Variants in SCAMP4 observed in about 807,000 individuals in gnomAD.
SCAMP4 encodes the protein secretory carrier-associated membrane protein 4.
A neutral mutation model predicts 32.1 loss-of-function variants in SCAMP4; 19 were observed. That is an observed-to-expected ratio of 0.59 (90% CI 0.41 to 0.87). The LOEUF (loss-of-function observed/expected upper bound fraction) is 0.87. Among genes scored for constraint, SCAMP4 ranks in the 40% least tolerant of loss-of-function variants. The probability of loss-of-function intolerance (pLI) is 0.00; values close to 1 mark genes in which losing one functional copy is unlikely to be tolerated. For missense variants in SCAMP4, 302 were observed against 309.0 expected, an observed-to-expected ratio of 0.98 and a Z score of 0.17; for synonymous variants, 152 against 132.7, an observed-to-expected ratio of 1.15 and a Z score of -1.00.
chr19:1,913,899 C>T (rs1266398088), intron 1 of SCAMP4, among the ~76,000 whole-genome samples: 1 of 152,226 alleles, frequency 6.6e-6, no homozygotes, highest in African/African-American at 2.4e-5. Context: ...TGTGAGCCCC[C>T]AGCCCATAGG....
At position 1,912,343 on chromosome 19, in the gene SCAMP4, A is replaced by T; in HGVS notation, c.-41-2636A>T. ...CTCAAGCGGGTGCGGCCCAGCCGCGATGCCGGCAGCCCCCACGCCCTGGAG... is the reference window on the plus strand; with the variant it reads ...CTCAAGCGGGTGCGGCCCAGCCGCGTTGCCGGCAGCCCCCACGCCCTGGAG... On this transcript the variant is annotated intron_variant, in intron 1 of 6. Transcript: ENST00000316097. 3 of 1,533,548 alleles carry T rather than the reference A, an allele frequency of 2.0e-6. No individual in the cohort carries two copies. The highest frequency in any genetic ancestry group is 5.1e-5 in the East Asian group (2 of 39,068). The allele number at this position is 1,533,548 out of a possible 1,614,324, so 95.0% of individuals were successfully genotyped here. A position where few individuals can be genotyped will look rare whatever the true frequency, so the allele number is the denominator to read the frequency against.
intron 2 of SCAMP4, 85 bp from the exon 3 acceptor site, chr19:1,917,609 A>C (rs1402513125): frequency 9.1e-6 from 14 of 1,536,116 alleles, no homozygotes; most frequent in Non-Finnish European, 8.9e-7. Context: ...ATGAGAGGCA[A>C]CCCAGCCTTG....
intron 1 of SCAMP4, chr19:1,912,350 C>T: frequency 6.5e-7 from 1 of 1,530,398 alleles, no homozygotes; most frequent in Admixed American, 2.0e-5. Context: ...GCGATGCCGG[C>T]AGCCCCCACG....
In SCAMP4 at chr19:1,924,662, C is replaced by T. The variant is rs2014043045; in HGVS notation, c.*378C>T. 5 of 268,752 alleles carry T rather than the reference C, an allele frequency of 1.9e-5. No individual in the cohort carries two copies. The South Asian group carries it at 2.3e-4, about 12-fold the overall frequency. The allele number at this position is 268,752 out of a possible 1,614,324, so 16.6% of individuals were successfully genotyped here. ...CCGCCCTCCCGTCCTCCCAGAGCTG[C>T]TGGCGCTGAGGTCAGAGCGGGTCTG... On this transcript the variant is annotated 3_prime_UTR_variant, in exon 7 of 7. Transcript: ENST00000316097.
intron 1 of SCAMP4, chr19:1,905,823 C>G (rs1599225555): frequency 6.6e-6 from 1 of 152,546 alleles, no homozygotes; most frequent in African/African-American, 2.4e-5. Flanking sequence ...TCGCGAGTTT[C>G]CGTAGCCTTC....
chr19:1,921,401 T>C (rs1219460663), intron 5 of SCAMP4: 1 of 982,912 alleles, frequency 1.0e-6, no homozygotes, highest in Non-Finnish European at 1.2e-6. Context: ...GTGTAGATGG[T>C]GAGGGTGGCC....
intron 1 of SCAMP4, among the ~76,000 whole-genome samples, chr19:1,914,165 C>T (rs924165292): frequency 6.6e-6 from 1 of 152,178 alleles, no homozygotes; most frequent in Non-Finnish European, 1.5e-5. Flanking sequence ...AGCTCCTTCC[C>T]CTGAGGGGCA....
In SCAMP4 at chr19:1,922,490, C is replaced by T. The variant is rs548052709; in HGVS notation, c.396-580C>T. On this transcript the variant is annotated intron_variant, in intron 5 of 6. Transcript: ENST00000316097. The stretch of plus-strand genomic sequence containing the variant: ...CCTCAAGTGATCCGCCCGCCTCGGC[C>T]TCCCAAAGTGCTGGGACGACAGGCG... 1.7e-4 allele frequency: 161 copies of T among 958,324 alleles called. No homozygotes were observed. The South Asian group carries it at 5.6e-3, about 33-fold the overall frequency. The allele number at this position is 958,324 out of a possible 1,614,324, so 59.4% of individuals were successfully genotyped here. A position where few individuals can be genotyped will look rare whatever the true frequency, so the allele number is the denominator to read the frequency against.
At chr19:1,912,748 A>G in intron 1 of SCAMP4, 5 of 1,547,254 alleles carry the variant, frequency 3.2e-6, no homozygotes, top group Non-Finnish European at 4.3e-6. Context: ...AGCTGCGCGG[A>G]CAACCCCCTC....
rs1193465266 is a variant in SCAMP4 at position 1,924,422 on chromosome 19, GC to G, written c.*144del. On this transcript the variant is annotated 3_prime_UTR_variant, in exon 7 of 7. Transcript: ENST00000316097. ...TGGAAGCCGGTGGTGGCCACGGACC[GC>G]CCCCCTCCTGCCAGGGCCACAGAAC... The G allele has an allele frequency of 2.1e-5, 15 of 701,870 alleles. No homozygotes were observed. The highest frequency in any genetic ancestry group is 3.3e-5 in the Non-Finnish European group (14 of 418,806). The allele number at this position is 701,870 out of a possible 1,614,324, so 43.5% of individuals were successfully genotyped here.
intron 4 of SCAMP4, 92 bp downstream of exon 4, chr19:1,918,375 T>A: frequency 1.5e-6 from 2 of 1,338,784 alleles, no homozygotes; most frequent in Non-Finnish European, 2.0e-6. Flanking sequence ...GAGCTGTCCC[T>A]TTCTCTGCCC....
At chr19:1,922,217 G>A (rs767074765) in intron 5 of SCAMP4, 1 of 985,330 alleles carries the variant, frequency 1.0e-6, no homozygotes, top group East Asian at 1.1e-4. Flanking sequence ...GGGCGTGCTG[G>A]CCTTCCCAGT....
At chr19:1,919,353 A>T in intron 5 of SCAMP4, 1 of 1,134,882 alleles carries the variant, frequency 8.8e-7, no homozygotes, top group Non-Finnish European at 1.1e-6. Context: ...GGATCGCTGC[A>T]GGAGGAAGAC....
intron 1 of SCAMP4, chr19:1,912,984 GC>G: frequency 6.2e-7 from 1 of 1,609,506 alleles, no homozygotes; most frequent in Non-Finnish European, 8.5e-7. Flanking sequence ...GTGCGCCATG[GC>G]CCTGGTGCAC....
In SCAMP4 at chr19:1,924,114, A is replaced by G. The variant is rs774779763; in HGVS notation, c.520A>G (p.Arg174Gly). 3.7e-6 allele frequency: 6 copies of G among 1,607,622 alleles called. No individual in the cohort carries two copies. The South Asian group carries it at 5.6e-5, about 15-fold the overall frequency. The change falls in exon 7 of 7, where the codon AGG (arginine) becomes GGG (glycine). Residue 174 changes from arginine to glycine, a missense_variant. Transcript: ENST00000316097. ...CTGTCCTCTGTCCTTGCAGGTGCAC[A>G]GGATCTACCGAGGGGCTGGCGGAAG... ...MMAIAIMKVHRIYRGAGGSFQ... is the reference protein window; with the variant it reads ...MMAIAIMKVHGIYRGAGGSFQ...
Position 1,924,092 on chromosome 19 carries a change from TC to T in SCAMP4, c.514-14del, listed in dbSNP as rs756096381. 1 of 1,584,142 alleles carries T rather than the reference TC, an allele frequency of 6.3e-7. No individual in the cohort carries two copies. The highest frequency in any genetic ancestry group is 1.1e-5 in the South Asian group (1 of 88,614). On this transcript the variant is annotated splice_polypyrimidine_tract_variant and intron_variant, in intron 6 of 6. Transcript: ENST00000316097. ...TCATTTTCTGTCTTCTGCCTCCCTG[TC>T]CTCTGTCCTTGCAGGTGCACAGGAT...
At chr19:1,914,954 C>G (rs1231252952) in intron 1 of SCAMP4, 25 bp from the exon 2 acceptor site, 1 of 1,609,464 alleles carries the variant, frequency 6.2e-7, no homozygotes, top group Non-Finnish European at 8.5e-7. Flanking sequence ...TCAGGGTTCC[C>G]TGACTGTGGT....
At position 1,908,759 on chromosome 19, in the gene SCAMP4, G is replaced by C. The variant is rs1342697905; in HGVS notation, c.-42+3320G>C. The C allele has an allele frequency of 5.5e-6, 2 of 360,600 alleles. No homozygotes were observed. Among genetic ancestry groups the C allele is most frequent in the African/African-American group, 4.3e-5 (2 of 46,808 alleles). The allele number at this position is 360,600 out of a possible 1,614,324, so 22.3% of individuals were successfully genotyped here. A position where few individuals can be genotyped will look rare whatever the true frequency, so the allele number is the denominator to read the frequency against. On this transcript the variant is annotated intron_variant, in intron 1 of 6. Coordinates refer to ENST00000316097, the MANE Select transcript of SCAMP4 (RefSeq NM_079834.4). This position sits in a 1 kb window ranked among gnomAD's most constrained non-coding sequence, Gnocchi z 4.2. ...AGTGATCCTCTCGCCTTGGTCTCCTGAGTAGCTGGGACTACATGTGCACAC... is the reference window on the plus strand; with the variant it reads ...AGTGATCCTCTCGCCTTGGTCTCCTCAGTAGCTGGGACTACATGTGCACAC...
rs768006549 is a variant in SCAMP4, at chr19:1,924,119, C to T, written c.525C>T (p.Ile175=). The T allele has an allele frequency of 1.9e-6, 3 of 1,609,242 alleles. No homozygotes were observed. Among genetic ancestry groups the T allele is most frequent in the East Asian group, 4.5e-5 (2 of 44,728 alleles). Residue 175 remains isoleucine (I), a synonymous_variant, in exon 7 of 7, where the codon ATC becomes ATT. Coordinates refer to ENST00000316097, the MANE Select transcript of SCAMP4 (RefSeq NM_079834.4). ...CTCTGTCCTTGCAGGTGCACAGGATCTACCGAGGGGCTGGCGGAAGCTTCC... is the reference window on the plus strand; with the variant it reads ...CTCTGTCCTTGCAGGTGCACAGGATTTACCGAGGGGCTGGCGGAAGCTTCC... ...MAIAIMKVHR[I]YRGAGGSFQK...
Sources: allele counts gnomAD v4.1 joint callset (sites outside exome capture counted in the v4.1 genomes callset), GRCh38; gene constraint gnomAD v4.1.1; non-coding constraint Gnocchi (gnomAD v3.1); transcripts MANE v1.5; gene names NCBI Gene and HGNC (gene_info 2026-07-23, HGNC 2026-07-21).